Variants in MYT1 observed in about 807,000 individuals in gnomAD.
MYT1 encodes the protein myelin transcription factor 1.
MYT1 carries 23 observed loss-of-function variants against 123.0 expected under a neutral mutation model. That is an observed-to-expected ratio of 0.19 (90% confidence interval 0.13 to 0.26). MYT1 has a LOEUF of 0.26. MYT1 is among the 10% of genes least tolerant of loss of function. The pLI, the probability that MYT1 is intolerant of heterozygous loss-of-function variation, is 1.00. For missense variants in MYT1, 1,125 were observed against 1,472.5 expected, an observed-to-expected ratio of 0.76 and a Z score of 3.86; for synonymous variants, 518 against 575.3, an observed-to-expected ratio of 0.90 and a Z score of 1.43.
chr20:64,227,225 G>A (rs905880419), intron 16 of MYT1, among the ~76,000 whole-genome samples, 190 bp from the exon 17 acceptor site: 8 of 152,184 alleles, frequency 5.3e-5, no homozygotes, highest in Non-Finnish European at 8.8e-5. Flanking sequence ...TGAGATGATC[G>A]CATCAGACCC....
chr20:64,188,703 G>A (rs1352099160), intron 1 of MYT1, among the ~76,000 whole-genome samples: 1 of 152,228 alleles, frequency 6.6e-6, no homozygotes, highest in Non-Finnish European at 1.5e-5. Flanking sequence ...CCCAGTTAGA[G>A]GCCGCTCACA....
chr20:64,224,937 C>T (rs556690434), intron 16 of MYT1, among the ~76,000 whole-genome samples: 12 of 152,246 alleles, frequency 7.9e-5, no homozygotes, highest in Admixed American at 7.2e-4. Context: ...GAGACATGGC[C>T]GTCTGGGAGA....
In MYT1 at chr20:64,207,594, G is replaced by A. The variant is rs781103474; in HGVS notation, c.398G>A (p.Gly133Glu). Residue 133 changes from glycine (G) to glutamate (E), a missense_variant and splice_region_variant, in exon 7 of 23, where the codon GGA becomes GAA. Gly to Glu is a moderately conservative substitution (Grantham distance 98). Coordinates refer to ENST00000328439, the MANE Select transcript of MYT1 (RefSeq NM_004535.3). ...CCACGTTGATTTTGATTTTGTGCAG[G>A]AAGGAGCCCCGTCAAGTCCCATTTT... ...DEIHRPETAE[G>E]RSPVKSHFGS... The A allele has an allele frequency of 9.3e-6, 15 of 1,611,568 alleles. No individual in the cohort carries two copies. The highest frequency in any genetic ancestry group is 1.3e-5 in the African/African-American group (1 of 74,868).
chr20:64,196,512 A>G lies in MYT1; in HGVS notation c.1-2350A>G, dbSNP rs1983125678. 6.6e-6 allele frequency among the ~76,000 whole-genome samples: 1 copy of G among 152,268 alleles called. No homozygotes were observed. ...CGGCACTGCTGATTTCAAATAGCTC[A>G]GAAACCAGTGTCCCAAGTCACCCAG... is the stretch of plus-strand genomic sequence containing the variant. On this transcript the variant is annotated intron_variant, in intron 2 of 22. Coordinates refer to ENST00000328439, the MANE Select transcript of MYT1 (RefSeq NM_004535.3). The surrounding 1 kb of genome is among the most constrained non-coding windows in gnomAD (Gnocchi z 4.3).
chr20:64,171,650 A>G (rs1442018575), intron 1 of MYT1, among the ~76,000 whole-genome samples: 1 of 140,614 alleles, frequency 7.1e-6, no homozygotes, highest in African/African-American at 2.7e-5. Flanking sequence ...CCCAAACCCT[A>G]ACTCCCTACA....
In MYT1 at chr20:64,189,585, TGGGCTCCA is replaced by T. The variant is rs1326035385; in HGVS notation, c.-98-476_-98-469del. Among the ~76,000 whole-genome samples, 5 of 152,166 alleles carry T rather than the reference TGGGCTCCA, an allele frequency of 3.3e-5. No homozygotes were observed. Among genetic ancestry groups the T allele is most frequent in the Non-Finnish European group, 7.4e-5 (5 of 68,024 alleles). ...GGTGGATCTCACTTTCTTCAATCAATGGGCTCCAGAGAAGTCGTGCAAAACAATCTTCT... is the reference window on the plus strand; with the variant it reads ...GGTGGATCTCACTTTCTTCAATCAATGAGAAGTCGTGCAAAACAATCTTCT... On this transcript the variant is annotated intron_variant, in intron 1 of 22. Coordinates refer to ENST00000328439, the MANE Select transcript of MYT1 (RefSeq NM_004535.3). This position sits in a 1 kb window ranked among gnomAD's most constrained non-coding sequence, Gnocchi z 5.5.
At chr20:64,214,954 G>T (rs7271369) in intron 10 of MYT1, among the ~76,000 whole-genome samples, 1 of 152,114 alleles carries the variant, frequency 6.6e-6, no homozygotes, top group Non-Finnish European at 1.5e-5. Context: ...ATTCCCACAC[G>T]TGGGATCTCT....
rs186942835 is a variant in MYT1, at chr20:64,190,549, C to T, written c.-1+389C>T. Among the ~76,000 whole-genome samples, 1 of 146,652 alleles carries T rather than the reference C, an allele frequency of 6.8e-6. No individual in the cohort carries two copies. Among genetic ancestry groups the T allele is most frequent in the East Asian group, 2.0e-4 (1 of 4,960 alleles). On this transcript the variant is annotated intron_variant, in intron 2 of 22. Coordinates refer to ENST00000328439, the MANE Select transcript of MYT1 (RefSeq NM_004535.3). This position sits in a 1 kb window ranked among gnomAD's most constrained non-coding sequence, Gnocchi z 4.1. ...ATTAGCCGGGCATGGTGGCATGCGC[C>T]TGTAATCCCAGCTATTTGGGGGAGG...
chr20:64,165,950 A>G (rs1253761760), intron 1 of MYT1, among the ~76,000 whole-genome samples: 2 of 152,068 alleles, frequency 1.3e-5, no homozygotes, highest in Admixed American at 6.5e-5. Context: ...GCTGAGGGGT[A>G]TGCTCTGCCT....
rs1429758042 is a variant in MYT1, at chr20:64,232,949, A to T, written c.2897+564A>T. On this transcript the variant is annotated intron_variant, in intron 19 of 22. Transcript: ENST00000328439. The surrounding 1 kb of genome is among the most constrained non-coding windows in gnomAD (Gnocchi z 6.9). Reference sequence around the variant, plus strand: ...TTCACCAACTCTCGCCTGCCCTCCAACACCTGCTCCAGAGCCGAAGGACCT... The same window carrying T: ...TTCACCAACTCTCGCCTGCCCTCCATCACCTGCTCCAGAGCCGAAGGACCT... Among the ~76,000 whole-genome samples, 1 of 151,682 alleles carries T rather than the reference A, an allele frequency of 6.6e-6. No homozygotes were observed. Among genetic ancestry groups the T allele is most frequent in the African/African-American group, 2.4e-5 (1 of 41,278 alleles).
chr20:64,190,626 T>C lies in MYT1; in HGVS notation c.-1+466T>C, dbSNP rs1982939850. On this transcript the variant is annotated intron_variant, in intron 2 of 22. Transcript: ENST00000328439. The surrounding 1 kb of genome is among the most constrained non-coding windows in gnomAD (Gnocchi z 4.1). The stretch of plus-strand genomic sequence containing the variant: ...TGAGCCTGGGAAGTCAAGGCTGCAG[T>C]GAGCTGAGATTGTGCCACTGCACTC... Among the ~76,000 whole-genome samples the C allele has an allele frequency of 6.7e-6, 1 of 150,296 alleles. No homozygotes were observed. Among genetic ancestry groups the C allele is most frequent in the African/African-American group, 2.5e-5 (1 of 40,500 alleles).
In MYT1 at chr20:64,196,431, A is replaced by C. The variant is rs1021294642; in HGVS notation, c.1-2431A>C. 6.6e-6 allele frequency among the ~76,000 whole-genome samples: 1 copy of C among 152,240 alleles called. No individual in the cohort carries two copies. The highest frequency in any genetic ancestry group is 1.5e-5 in the Non-Finnish European group (1 of 68,048). On this transcript the variant is annotated intron_variant, in intron 2 of 22. Transcript: ENST00000328439. This position sits in a 1 kb window ranked among gnomAD's most constrained non-coding sequence, Gnocchi z 4.3. ...TGAAGTGCTTTGACTTCTTTCGAAA[A>C]GAAAAGTGATGTAAATCAAGCAGTG... is the stretch of plus-strand genomic sequence containing the variant.
At position 64,231,474 on chromosome 20, in the gene MYT1, C is replaced by T. The variant is rs1231025889; in HGVS notation, c.2676-690C>T. Among the ~76,000 whole-genome samples, 2 of 152,190 alleles carry T rather than the reference C, an allele frequency of 1.3e-5. No homozygotes were observed. The highest frequency in any genetic ancestry group is 2.9e-5 in the Non-Finnish European group (2 of 68,042). On this transcript the variant is annotated intron_variant, in intron 18 of 22. Transcript: ENST00000328439. This position sits in a 1 kb window ranked among gnomAD's most constrained non-coding sequence, Gnocchi z 6.4. ...GGGCCTCTATCCCTCTCCTGGAACA[C>T]CCAGAACGAAGGAAAGGAAAACACC...
At chr20:64,223,551 T>C (rs1289071585) in intron 16 of MYT1, among the ~76,000 whole-genome samples, 192 bp downstream of exon 16, 2 of 152,110 alleles carry the variant, frequency 1.3e-5, no homozygotes, top group Non-Finnish European at 2.9e-5. Flanking sequence ...TCTGCCTGTG[T>C]GCACCTGCTC....
rs370664533 is a variant in MYT1, at chr20:64,208,000, AGAGGAG to A, written c.816_821del (p.Glu272_Glu273del). 41 of 1,560,564 alleles carry A rather than the reference AGAGGAG, an allele frequency of 2.6e-5. 2 individuals are homozygous for A. In the South Asian group the frequency reaches 4.3e-4, roughly 17 times the overall value. On this transcript the variant is annotated inframe_deletion, in exon 7 of 23. Coordinates refer to ENST00000328439, the MANE Select transcript of MYT1 (RefSeq NM_004535.3). Reference sequence around the variant, plus strand: ...AGGACGAGGAGGAGGAGGAGGAGGAAGAGGAGGAGGAGGAGGATGAAGAAGAGGAAG... The same window carrying A: ...AGGACGAGGAGGAGGAGGAGGAGGAAGAGGAGGAGGATGAAGAAGAGGAAG...
At chr20:64,229,448 A>T (rs2145730278) in intron 18 of MYT1, among the ~76,000 whole-genome samples, 1 of 152,366 alleles carries the variant, frequency 6.6e-6, no homozygotes, top group South Asian at 2.1e-4. Flanking sequence ...GAGCTTTAAA[A>T]AAAAACAAGA....
intron 14 of MYT1, among the ~76,000 whole-genome samples, chr20:64,222,394 C>T (rs1195907986): frequency 1.3e-4 from 20 of 152,246 alleles, no homozygotes; most frequent in Admixed American, 1.3e-3. Context: ...CTGGCCCTCT[C>T]CCTGAGGCCG....
intron 7 of MYT1, among the ~76,000 whole-genome samples, chr20:64,209,167 C>T (rs1373930181): frequency 6.6e-6 from 1 of 152,156 alleles, no homozygotes; most frequent in Admixed American, 6.5e-5. Flanking sequence ...AGCTGGGAGC[C>T]TGGAGTGCTG....
chr20:64,208,602 C>T lies in MYT1; in HGVS notation c.1291+115C>T. On this transcript the variant is annotated intron_variant, in intron 7 of 22. Coordinates refer to ENST00000328439, the MANE Select transcript of MYT1 (RefSeq NM_004535.3). This position sits in a 1 kb window ranked among gnomAD's most constrained non-coding sequence, Gnocchi z 5.4. ...AGGGGGCTGGGGGATGGCAGAAAAG[C>T]AGACAAAAGGACAAATACATGACAC... 1 of 1,441,312 alleles carries T rather than the reference C, an allele frequency of 6.9e-7. No individual in the cohort carries two copies. The allele number at this position is 1,441,312 out of a possible 1,614,324, so 89.3% of individuals were successfully genotyped here.
Sources: allele counts gnomAD v4.1 joint callset (sites outside exome capture counted in the v4.1 genomes callset), GRCh38; gene constraint gnomAD v4.1.1; non-coding constraint Gnocchi (gnomAD v3.1); transcripts MANE v1.5; gene names NCBI Gene and HGNC (gene_info 2026-07-23, HGNC 2026-07-21).